Variants in LRRCC1 observed in about 807,000 individuals in gnomAD.
The protein encoded by LRRCC1 is leucine-rich repeat and coiled-coil domain-containing protein 1.
In LRRCC1, 115 loss-of-function variants were observed where a neutral mutation model predicts 126.0. The observed-to-expected ratio is 0.91, with a 90% CI of 0.78 to 1.07. The LOEUF is 1.07. Among genes scored for constraint, LRRCC1 ranks in the 50% least tolerant of loss-of-function variants. LRRCC1 has a pLI of 0.00. For synonymous variants in LRRCC1, 400 were observed against 393.4 expected (o/e 1.02, Z -0.20); for missense variants, 1,172 against 1,175.7 (o/e 1.00, Z 0.05).
At chr8:85,118,469 G>A (rs1301709757) in intron 6 of LRRCC1, among the ~76,000 whole-genome samples, 1 of 151,952 alleles carries the variant, frequency 6.6e-6, no homozygotes, top group African/African-American at 2.4e-5. Context: ...TTTCAAAGTG[G>A]TTATTCTATT....
chr8:85,111,422 C>T (rs548940632), intron 3 of LRRCC1, among the ~76,000 whole-genome samples: 2 of 152,282 alleles, frequency 1.3e-5, no homozygotes, highest in East Asian at 1.9e-4. Context: ...CTTGTCATTA[C>T]TATGTAATGT....
At position 85,129,502 on chromosome 8, in the gene LRRCC1, G is replaced by T. The variant is rs1810280866; in HGVS notation, c.1626+123G>T. On this transcript the variant is annotated intron_variant, in intron 10 of 18. Coordinates refer to ENST00000360375, the MANE Select transcript of LRRCC1 (RefSeq NM_033402.5). Reference sequence around the variant, plus strand: ...TAAGGCCATATGCAAAAATTAAATTGCTGTTAATTTAACGGTCACATAGCC... The same window carrying T: ...TAAGGCCATATGCAAAAATTAAATTTCTGTTAATTTAACGGTCACATAGCC... 7.7e-6 allele frequency: 6 copies of T among 783,598 alleles called. No individual in the cohort carries two copies. The South Asian group carries it at 7.8e-5, about 10-fold the overall frequency. 48.5% of individuals were successfully genotyped at this position (783,598 alleles called of 1,614,324 possible). A position where few individuals can be genotyped will look rare whatever the true frequency, so the allele number is the denominator to read the frequency against.
intron 17 of LRRCC1, among the ~76,000 whole-genome samples, chr8:85,138,780 C>T (rs374233320): frequency 6.6e-6 from 1 of 152,152 alleles, no homozygotes; most frequent in African/African-American, 2.4e-5. Flanking sequence ...CACGGTGGCT[C>T]ACGCCTGCAA....
At chr8:85,140,316 T>A (rs565127570) in intron 17 of LRRCC1, among the ~76,000 whole-genome samples, 47 of 152,316 alleles carry the variant, frequency 3.1e-4, no homozygotes, top group African/African-American at 8.2e-4. Flanking sequence ...GGTTGATTTC[T>A]TCTATCTTAT....
Position 85,115,470 on chromosome 8 carries a change from T to A in LRRCC1, c.816T>A (p.Ser272=). 6.2e-7 allele frequency: 1 copy of A among 1,613,518 alleles called. No homozygotes were observed. The highest frequency in any genetic ancestry group is 8.5e-7 in the Non-Finnish European group (1 of 1,179,534). The part of the protein sequence containing the change: ...ASTPSDAVLT[S]FMSVCQSSEP... The stretch of plus-strand genomic sequence containing the variant: ...CACCAAGTGATGCTGTGTTGACGTC[T>A]TTTATGTCTGTGTGTCAATCTTCTG... Residue 272 remains serine (S), a synonymous_variant, in exon 6 of 19, where the codon TCT becomes TCA. Transcript: ENST00000360375.
Position 85,109,677 on chromosome 8 carries a change from C to T in LRRCC1, c.187C>T (p.His63Tyr). 1.9e-6 allele frequency: 3 copies of T among 1,610,264 alleles called. No homozygotes were observed. The highest frequency in any genetic ancestry group is 1.7e-6 in the Non-Finnish European group (2 of 1,176,896). Reference protein sequence around the residue: ...NNISKIEAIDHIWNLQHLDLS... With the variant: ...NNISKIEAIDYIWNLQHLDLS... ...CATCTCCAAGATCGAAGCCATTGAT[C>T]ATATTTGGAATTTACAACATCTAGA... Residue 63 changes from histidine to tyrosine, a missense_variant, in exon 2 of 19, where the codon CAT (histidine) becomes TAT (tyrosine). Transcript: ENST00000360375.
chr8:85,142,083 TAGG>T (rs1274783251), intron 18 of LRRCC1, among the ~76,000 whole-genome samples: 5 of 151,990 alleles, frequency 3.3e-5, no homozygotes, highest in Non-Finnish European at 5.9e-5. Flanking sequence ...ATCATGAGGT[TAGG>T]AGATCAAGAC....
intron 1 of LRRCC1, among the ~76,000 whole-genome samples, chr8:85,108,480 C>G (rs1808440220): frequency 6.6e-6 from 1 of 152,144 alleles, no homozygotes; most frequent in African/African-American, 2.4e-5. Context: ...GGATTCAAAC[C>G]CATTTTCCGT....
Position 85,131,848 on chromosome 8 carries a change from G to A in LRRCC1, c.1855G>A (p.Glu619Lys). 6.2e-7 allele frequency: 1 copy of A among 1,613,730 alleles called. No individual in the cohort carries two copies. The highest frequency in any genetic ancestry group is 1.1e-5 in the South Asian group (1 of 91,046). Residue 619 changes from glutamate (E) to lysine (K), a missense_variant, in exon 12 of 19, where the codon GAG (glutamate) becomes AAG (lysine). Physicochemically the swap from Glu to Lys is moderately conservative, Grantham distance 56. Coordinates refer to ENST00000360375, the MANE Select transcript of LRRCC1 (RefSeq NM_033402.5). ...KEIAKEEKKH[E>K]QMIKEYQEKI... is the part of the protein sequence containing the mutation. Reference sequence around the variant, plus strand: ...AATAGCCAAAGAAGAGAAAAAGCATGAGCAAATGATAAAAGAATACCAAGA... The same window carrying A: ...AATAGCCAAAGAAGAGAAAAAGCATAAGCAAATGATAAAAGAATACCAAGA...
At chr8:85,111,781 G>C (rs979169715) in intron 3 of LRRCC1, among the ~76,000 whole-genome samples, 8 of 152,006 alleles carry the variant, frequency 5.3e-5, no homozygotes, top group African/African-American at 1.9e-4. Context: ...AGCTAAAATA[G>C]TGACAGTGCT....
At chr8:85,123,312 C>A in intron 6 of LRRCC1, 101 bp from the exon 7 acceptor site, 1 of 795,606 alleles carries the variant, frequency 1.3e-6, no homozygotes, top group Non-Finnish European at 2.0e-6. Flanking sequence ...AGTTTATAAA[C>A]CCTTAATCAT....
chr8:85,141,305 G>T lies in LRRCC1; in HGVS notation c.2841-77G>T, dbSNP rs1019712991. On this transcript the variant is annotated intron_variant, in intron 17 of 18. Coordinates refer to ENST00000360375, the MANE Select transcript of LRRCC1 (RefSeq NM_033402.5). ...CCATTAGTATGAATGTGAGCCACCC[G>T]AGAAGAAATAACATCCTAATCTTTA... 5.6e-5 allele frequency: 68 copies of T among 1,212,782 alleles called. No individual in the cohort carries two copies. In the African/African-American group the frequency reaches 9.9e-4, roughly 18 times the overall value. The allele number at this position is 1,212,782 out of a possible 1,614,324, so 75.1% of individuals were successfully genotyped here. A position where few individuals can be genotyped will look rare whatever the true frequency, so the allele number is the denominator to read the frequency against.
intron 3 of LRRCC1, among the ~76,000 whole-genome samples, chr8:85,111,002 T>G (rs17739175): frequency 0.022 from 3,408 of 152,284 alleles, 55 homozygotes; most frequent in Non-Finnish European, 0.034. Context: ...AAAGACCTAG[T>G]CTGTACCCTT....
chr8:85,127,915 A>G (rs1810136877), intron 9 of LRRCC1, among the ~76,000 whole-genome samples: 1 of 152,226 alleles, frequency 6.6e-6, no homozygotes, highest in Non-Finnish European at 1.5e-5. Context: ...GTCTCAATTA[A>G]GAGTGCTCTG....
At chr8:85,109,870 G>T in intron 2 of LRRCC1, 70 bp downstream of exon 2, 1 of 778,872 alleles carries the variant, frequency 1.3e-6, no homozygotes, top group Non-Finnish European at 2.0e-6. Flanking sequence ...TTCCCCAAAA[G>T]AATGGAATAA....
At chr8:85,132,957 T>C (rs185973436) in intron 12 of LRRCC1, among the ~76,000 whole-genome samples, 8 of 152,356 alleles carry the variant, frequency 5.3e-5, no homozygotes, top group African/African-American at 1.7e-4. Flanking sequence ...ACAAACATGC[T>C]GTGATTTCTC....
intron 11 of LRRCC1, among the ~76,000 whole-genome samples, chr8:85,131,507 A>G (rs890939945): frequency 6.6e-6 from 1 of 152,246 alleles, no homozygotes; most frequent in Non-Finnish European, 1.5e-5. Context: ...CTGAAGCCAT[A>G]GAATGATTCT....
Sources: allele counts gnomAD v4.1 joint callset (sites outside exome capture counted in the v4.1 genomes callset), GRCh38; gene constraint gnomAD v4.1.1; transcripts MANE v1.5; gene names NCBI Gene and HGNC (gene_info 2026-07-23, HGNC 2026-07-21).